The following MYRFL variants were observed in gnomAD, a reference collection of about 807,000 sequenced individuals.
MYRFL encodes the protein myelin regulatory factor like, also known as myelin regulatory factor-like protein.
A neutral mutation model predicts 109.4 loss-of-function variants in MYRFL; 88 were observed. The ratio of observed to expected loss-of-function variants is 0.80; its 90% CI spans 0.68 to 0.96. The LOEUF (loss-of-function observed/expected upper bound fraction) is 0.96, where lower values mean the gene tolerates loss of function less well. Ranked by LOEUF, MYRFL falls within the 40% of genes least tolerant of loss-of-function variation. MYRFL has a pLI of 0.00. For synonymous variants in MYRFL, 324 were observed against 320.9 expected (o/e 1.01, Z -0.10); for missense variants, 957 against 954.9 (o/e 1.00, Z -0.03).
intron 2 of MYRFL, among the ~76,000 whole-genome samples, chr12:69,859,472 C>A (rs1240213): frequency 0.25 from 37,782 of 152,100 alleles, 5,456 homozygotes; most frequent in Middle Eastern, 0.38. Context: ...GATGTTTCTA[C>A]TTCTCCATCA....
In MYRFL at chr12:69,825,283, C is replaced by A. The variant is rs1421595708; in HGVS notation, c.-235C>A. The A allele has an allele frequency of 1.5e-6, 1 of 673,070 alleles. No individual in the cohort carries two copies. The highest frequency in any genetic ancestry group is 2.2e-5 in the Admixed American group (1 of 45,768). 41.7% of individuals were successfully genotyped at this position (673,070 alleles called of 1,614,324 possible). ...ATGAATTTGCTACCTCTTCCCTCTTCATGAATTTTTTTTAAATGTATGGTT... is the reference window on the plus strand; with the variant it reads ...ATGAATTTGCTACCTCTTCCCTCTTAATGAATTTTTTTTAAATGTATGGTT... On this transcript the variant is annotated 5_prime_UTR_variant, in exon 1 of 25. It introduces an in-frame stop codon into an upstream open reading frame of the 5' UTR. Transcript: ENST00000552032.
At chr12:69,887,067 C>T in intron 6 of MYRFL, 97 bp downstream of exon 6, 2 of 1,270,572 alleles carry the variant, frequency 1.6e-6, no homozygotes, top group South Asian at 1.5e-5. Flanking sequence ...CACCTCTGGT[C>T]AAGTGGGGCA....
Position 69,936,352 on chromosome 12 carries a change from C to T in MYRFL, c.2044+17C>T, listed in dbSNP as rs1275272428. ...CCTCCTCAGGTAAAGGCTTCACATT[C>T]CTCACCCTCAAACCCGGTTTCAAGT... is the stretch of plus-strand genomic sequence containing the variant. On this transcript the variant is annotated intron_variant, in intron 18 of 24. Coordinates refer to ENST00000552032, the MANE Select transcript of MYRFL (RefSeq NM_182530.3). The T allele has an allele frequency of 6.5e-7, 1 of 1,535,496 alleles. No individual in the cohort carries two copies. Among genetic ancestry groups the T allele is most frequent in the Non-Finnish European group, 8.7e-7 (1 of 1,146,674 alleles).
intron 19 of MYRFL, among the ~76,000 whole-genome samples, chr12:69,948,374 G>T (rs1955888952): frequency 6.6e-6 from 1 of 152,084 alleles, no homozygotes; most frequent in Admixed American, 6.6e-5. Context: ...GTACTCAATT[G>T]TATTCATAGG....
intron 1 of MYRFL, among the ~76,000 whole-genome samples, chr12:69,838,258 A>C (rs1232034880): frequency 1.3e-5 from 2 of 152,100 alleles, no homozygotes; most frequent in Non-Finnish European, 2.9e-5. Context: ...ATTCCAGGTG[A>C]GCCAACTCAC....
Position 69,958,844 on chromosome 12 carries a change from A to C in MYRFL, c.*313A>C. ...TTAAGGAAGTTGTGAGCTCAAAATA[A>C]GGAGATCTAGCCTCTATTTTGTTTT... On this transcript the variant is annotated 3_prime_UTR_variant, in exon 25 of 25. Transcript: ENST00000552032. 1 of 258,724 alleles carries C rather than the reference A, an allele frequency of 3.9e-6. No homozygotes were observed. The allele number at this position is 258,724 out of a possible 1,614,324, so 16.0% of individuals were successfully genotyped here.
intron 13 of MYRFL, among the ~76,000 whole-genome samples, chr12:69,914,869 C>T (rs1954683745): frequency 6.6e-6 from 1 of 152,106 alleles, no homozygotes; most frequent in South Asian, 2.1e-4. Flanking sequence ...AAAAACAGGA[C>T]CCTGGAGTGA....
intron 1 of MYRFL, among the ~76,000 whole-genome samples, chr12:69,841,445 A>C (rs555853353): frequency 6.6e-6 from 1 of 152,294 alleles, no homozygotes; most frequent in South Asian, 2.1e-4. Flanking sequence ...AGCAGCCCTG[A>C]TTTGTAGCAT....
At chr12:69,923,126 A>G (rs748666945) in intron 13 of MYRFL, among the ~76,000 whole-genome samples, 3 of 152,234 alleles carry the variant, frequency 2.0e-5, no homozygotes, top group Admixed American at 6.5e-5. Context: ...TCTTTGTTCT[A>G]TCATGGTAAT....
Position 69,878,908 on chromosome 12 carries a change from A to G in MYRFL, c.138-120A>G, listed in dbSNP as rs1592744112. On this transcript the variant is annotated intron_variant, in intron 2 of 24. Transcript: ENST00000552032. ...CACTTCCCAAACCCCTCACCCCCCC[A>G]TGCCCAGCACCTGGAACCATCACTG... The G allele has an allele frequency of 2.4e-5, 16 of 670,934 alleles. No individual in the cohort carries two copies. In the East Asian group the frequency reaches 4.3e-4, roughly 18 times the overall value. The allele number at this position is 670,934 out of a possible 1,614,324, so 41.6% of individuals were successfully genotyped here. A position where few individuals can be genotyped will look rare whatever the true frequency, so the allele number is the denominator to read the frequency against.
intron 10 of MYRFL, 43 bp downstream of exon 10, chr12:69,897,289 C>G: frequency 7.2e-7 from 1 of 1,391,872 alleles, no homozygotes; most frequent in African/African-American, 1.4e-5. Context: ...ACATGCTTTC[C>G]TCCTATGTAG....
intron 19 of MYRFL, among the ~76,000 whole-genome samples, chr12:69,943,623 G>A (rs1339831176): frequency 6.6e-6 from 1 of 151,266 alleles, no homozygotes; most frequent in African/African-American, 2.4e-5. Context: ...ATAGGCATGG[G>A]CAAGGACTTC....
rs887961154 is a variant in MYRFL, at chr12:69,890,861, G to A, written c.708-110G>A. 1.6e-5 allele frequency: 12 copies of A among 728,354 alleles called. No individual in the cohort carries two copies. The African/African-American group carries it at 2.0e-4, about 12-fold the overall frequency. 45.1% of individuals were successfully genotyped at this position (728,354 alleles called of 1,614,324 possible). ...ATCAATTGATTAAATATAGCAAAAGGCACTTTTCACAGTACGTTTTCTTGA... is the reference window on the plus strand; with the variant it reads ...ATCAATTGATTAAATATAGCAAAAGACACTTTTCACAGTACGTTTTCTTGA... On this transcript the variant is annotated intron_variant, in intron 6 of 24. Coordinates refer to ENST00000552032, the MANE Select transcript of MYRFL (RefSeq NM_182530.3).
Position 69,958,333 on chromosome 12 carries a change from C to T in MYRFL, c.2646+10C>T, listed in dbSNP as rs1215004319. On this transcript the variant is annotated intron_variant, in intron 24 of 24. Coordinates refer to ENST00000552032, the MANE Select transcript of MYRFL (RefSeq NM_182530.3). The stretch of plus-strand genomic sequence containing the variant: ...CCGTGTAGCTGCACCGGTAAGCTTG[C>T]TTTTTCTTTTTCTTTTCAGTGAGAA... 3 of 1,532,502 alleles carry T rather than the reference C, an allele frequency of 2.0e-6. No individual in the cohort carries two copies. Among genetic ancestry groups the T allele is most frequent in the Admixed American group, 2.0e-5 (1 of 50,432 alleles). The allele number at this position is 1,532,502 out of a possible 1,614,324, so 94.9% of individuals were successfully genotyped here. A position where few individuals can be genotyped will look rare whatever the true frequency, so the allele number is the denominator to read the frequency against.
intron 5 of MYRFL, among the ~76,000 whole-genome samples, chr12:69,886,617 C>T (rs562481558): frequency 3.9e-5 from 6 of 152,034 alleles, no homozygotes; most frequent in South Asian, 2.1e-4. Context: ...GTTTACCCCC[C>T]ACCCTTTGAC....
At chr12:69,874,503 T>G (rs918604643) in intron 2 of MYRFL, among the ~76,000 whole-genome samples, 2 of 152,198 alleles carry the variant, frequency 1.3e-5, no homozygotes, top group Admixed American at 1.3e-4. Context: ...AAAATTAAGA[T>G]AAAAAATAAT....
intron 5 of MYRFL, among the ~76,000 whole-genome samples, chr12:69,883,349 C>G (rs1646734459): frequency 6.6e-6 from 1 of 152,164 alleles, no homozygotes; most frequent in African/African-American, 2.4e-5. Flanking sequence ...GTATAACTAG[C>G]AGGAATGTGT....
At position 69,936,018 on chromosome 12, in the gene MYRFL, A is replaced by G. The variant is rs1592864009; in HGVS notation, c.1917-95A>G. The G allele has an allele frequency of 4.3e-6, 6 of 1,403,032 alleles. No homozygotes were observed. The East Asian group carries it at 1.5e-4, about 35-fold the overall frequency. The allele number at this position is 1,403,032 out of a possible 1,614,324, so 86.9% of individuals were successfully genotyped here. On this transcript the variant is annotated intron_variant, in intron 16 of 24. Transcript: ENST00000552032. ...TGCTCCCATCTGTGTGGCCTGTGAG[A>G]GTACATCTCTGGCCAGCTGGATGTG...
intron 10 of MYRFL, among the ~76,000 whole-genome samples, chr12:69,902,013 C>A (rs930009232): frequency 6.6e-6 from 1 of 151,978 alleles, no homozygotes; most frequent in African/African-American, 2.4e-5. Context: ...CCTGACTCAG[C>A]CTCCTGAGTA....
Sources: allele counts gnomAD v4.1 joint callset (sites outside exome capture counted in the v4.1 genomes callset), GRCh38; gene constraint gnomAD v4.1.1; transcripts MANE v1.5; gene names NCBI Gene and HGNC (gene_info 2026-07-23, HGNC 2026-07-21).